ARL6IP1: variants seen among roughly 807,000 people sequenced by gnomAD.
ARL6IP1 encodes the protein ARL6 interacting reticulophagy regulator 1.
A neutral mutation model predicts 30.1 loss-of-function variants in ARL6IP1; 16 were observed. The ratio of observed to expected loss-of-function variants is 0.53; its 90% CI spans 0.36 to 0.81. ARL6IP1 has a LOEUF of 0.81. Among genes scored for constraint, ARL6IP1 ranks in the 30% least tolerant of loss-of-function variants. ARL6IP1 has a pLI of 0.01. For synonymous variants in ARL6IP1, 72 were observed against 84.8 expected, an observed-to-expected ratio of 0.85 and a Z score of 0.83; for missense variants, 173 against 242.7, an observed-to-expected ratio of 0.71 and a Z score of 1.91.
chr16:18,795,440 C>T (rs1230802542), intron 4 of ARL6IP1, 24 bp downstream of exon 4: 18 of 1,563,334 alleles, frequency 1.2e-5, no homozygotes, highest in Non-Finnish European at 1.6e-5. Flanking sequence ...TTTTACTGTA[C>T]TTAAGTCAAA....
Position 18,794,678 on chromosome 16 carries a change from G to T in ARL6IP1, c.414C>A (p.Phe138Leu), listed in dbSNP as rs1291153584. The T allele has an allele frequency of 6.2e-7, 1 of 1,611,990 alleles. No individual in the cohort carries two copies. The highest frequency in any genetic ancestry group is 2.2e-5 in the East Asian group (1 of 44,766). ...CAGCAAGGGAAACGATCATGGTCAT[G>T]AAGTACTAGCAATGAAAACAAGAAT... is the stretch of plus-strand genomic sequence containing the variant. The part of the protein sequence containing the change: ...TLKEEKPKMY[F>L]MTMIVSLAAV... Residue 138 changes from phenylalanine to leucine, a missense_variant, in exon 5 of 6, where the codon TTC (phenylalanine) becomes TTA (leucine). Transcript: ENST00000304414.
At chr16:18,796,967 T>G (rs1414313436) in intron 3 of ARL6IP1, among the ~76,000 whole-genome samples, 2 of 152,162 alleles carry the variant, frequency 1.3e-5, no homozygotes, top group Non-Finnish European at 2.9e-5. Flanking sequence ...AAATATCTAT[T>G]CCAACTTCTA....
rs758440072 is a variant in ARL6IP1, at chr16:18,793,202, TTC to T, written c.*48_*49del. The T allele has an allele frequency of 6.5e-6, 8 of 1,239,796 alleles. No individual in the cohort carries two copies. Among genetic ancestry groups the T allele is most frequent in the Non-Finnish European group, 9.4e-6 (8 of 854,072 alleles). The allele number at this position is 1,239,796 out of a possible 1,614,324, so 76.8% of individuals were successfully genotyped here. A position where few individuals can be genotyped will look rare whatever the true frequency, so the allele number is the denominator to read the frequency against. ...TATCCAGATAGTACAGCAGAAACGG[TTC>T]CCGGGGCAATGGGTGCTGCATTAAT... On this transcript the variant is annotated 3_prime_UTR_variant, in exon 6 of 6. Transcript: ENST00000304414.
chr16:18,795,069 T>C (rs1187643656), intron 4 of ARL6IP1: 2 of 204,942 alleles, frequency 9.8e-6, no homozygotes, highest in South Asian at 6.9e-5. Context: ...AAGGCTGGAG[T>C]GCAGTGGTGC....
chr16:18,798,669 C>A, intron 2 of ARL6IP1, 32 bp downstream of exon 2: 1 of 1,602,278 alleles, frequency 6.2e-7, no homozygotes, highest in Non-Finnish European at 8.5e-7. Context: ...TAATAAGAAG[C>A]ACAACCCATA....
intron 3 of ARL6IP1, among the ~76,000 whole-genome samples, chr16:18,796,472 G>A (rs764930047): frequency 8.5e-5 from 13 of 152,330 alleles, no homozygotes; most frequent in Middle Eastern, 6.8e-3. Flanking sequence ...TTCCTTGTAA[G>A]ATCAAAAAAT....
chr16:18,797,740 A>C, intron 3 of ARL6IP1, 185 bp downstream of exon 3: 1 of 646,566 alleles, frequency 1.5e-6, no homozygotes, highest in Non-Finnish European at 2.5e-6. Context: ...AGAACTATGG[A>C]GTACAGAAAA....
chr16:18,801,462 G>A lies in ARL6IP1; in HGVS notation c.5C>T (p.Ala2Val). 1 of 1,612,776 alleles carries A rather than the reference G, an allele frequency of 6.2e-7. No individual in the cohort carries two copies. The highest frequency in any genetic ancestry group is 8.5e-7 in the Non-Finnish European group (1 of 1,179,638). M[A>V]EGDNRSTNLL... ...GTTGGTGCTGCGATTATCTCCCTCC[G>A]CCATCGTCTCGGGGATGCAGTCTCT... Residue 2 changes from alanine to valine, a missense_variant, in exon 1 of 6, where the codon GCG (alanine) becomes GTG (valine). Transcript: ENST00000304414.
rs538416381 is a variant in ARL6IP1 at position 18,801,512 on chromosome 16, G to A, written c.-46C>T. 2.4e-5 allele frequency: 39 copies of A among 1,602,986 alleles called. No homozygotes were observed. Among genetic ancestry groups the A allele is most frequent in the Admixed American group, 5.2e-5 (3 of 57,326 alleles). On this transcript the variant is annotated 5_prime_UTR_variant, in exon 1 of 6. Coordinates refer to ENST00000304414, the MANE Select transcript of ARL6IP1 (RefSeq NM_015161.3). ...TACAAGCGCAGGCCACCTCCCCAAC[G>A]AGTCCTCCAACCGAAACCCGCACAC...
chr16:18,801,237 G>T, intron 1 of ARL6IP1, 194 bp downstream of exon 1: 1 of 1,418,698 alleles, frequency 7.0e-7, no homozygotes. Context: ...GCCCCGTCGC[G>T]CACCGTCCCC....
At chr16:18,798,232 A>C (rs184661819) in intron 2 of ARL6IP1, 188 bp from the exon 3 acceptor site, 122 of 497,046 alleles carry the variant, frequency 2.5e-4, no homozygotes, top group African/African-American at 2.1e-3. Flanking sequence ...GCAGTGGTTA[A>C]GTATATATCA....
At chr16:18,795,830 T>C (rs1231966236) in intron 3 of ARL6IP1, among the ~76,000 whole-genome samples, 1 of 152,042 alleles carries the variant, frequency 6.6e-6, no homozygotes, top group Non-Finnish European at 1.5e-5. Flanking sequence ...AAAGAAAGGA[T>C]CATCTCTGGC....
At chr16:18,796,748 G>GA (rs2030243246) in intron 3 of ARL6IP1, among the ~76,000 whole-genome samples, 1 of 152,162 alleles carries the variant, frequency 6.6e-6, no homozygotes, top group South Asian at 2.1e-4. Context: ...GCTGTTGGGG[G>GA]AAACACCTTT....
chr16:18,796,987 A>C (rs908692797), intron 3 of ARL6IP1, among the ~76,000 whole-genome samples: 1 of 152,216 alleles, frequency 6.6e-6, no homozygotes, highest in Non-Finnish European at 1.5e-5. Context: ...ATTTTGGCTG[A>C]TTATTTGAAT....
At position 18,798,918 on chromosome 16, in the gene ARL6IP1, C is replaced by T. The variant is rs1024193298; in HGVS notation, c.37-84G>A. On this transcript the variant is annotated intron_variant, in intron 1 of 5. Transcript: ENST00000304414. ...ATAGACTTCAATTATTTTAAAGCTC[C>T]AAATACAAAAAATAACCTCTTAACC... 2.2e-6 allele frequency: 3 copies of T among 1,379,570 alleles called. No individual in the cohort carries two copies. In the African/African-American group the frequency reaches 4.4e-5, roughly 20 times the overall value. 85.5% of individuals were successfully genotyped at this position (1,379,570 alleles called of 1,614,324 possible).
In ARL6IP1 at chr16:18,798,738, G is replaced by A. The variant is rs1450729891; in HGVS notation, c.133C>T (p.Pro45Ser). 11 of 1,614,038 alleles carry A rather than the reference G, an allele frequency of 6.8e-6. No individual in the cohort carries two copies. Among genetic ancestry groups the A allele is most frequent in the Non-Finnish European group, 9.3e-6 (11 of 1,180,034 alleles). Reference sequence around the variant, plus strand: ...GAAACCACACCCATGATGGCAGGTGGAAACCAGGCTCTTTCCCATCGGAGG... The same window carrying A: ...GAAACCACACCCATGATGGCAGGTGAAAACCAGGCTCTTTCCCATCGGAGG... ...KVLRWERAWF[P>S]PAIMGVVSLV... Residue 45 changes from proline (P) to serine (S), a missense_variant, in exon 2 of 6, where the codon CCA becomes TCA. Coordinates refer to ENST00000304414, the MANE Select transcript of ARL6IP1 (RefSeq NM_015161.3).
At chr16:18,796,529 CAGT>C (rs972961094) in intron 3 of ARL6IP1, among the ~76,000 whole-genome samples, 1 of 152,230 alleles carries the variant, frequency 6.6e-6, no homozygotes, top group Admixed American at 6.5e-5. Context: ...ACGAAACTAT[CAGT>C]GGTTATTTCT....
At chr16:18,799,194 TAGAGA>T (rs1451028221) in intron 1 of ARL6IP1, among the ~76,000 whole-genome samples, 1 of 152,128 alleles carries the variant, frequency 6.6e-6, no homozygotes, top group Non-Finnish European at 1.5e-5. Context: ...TAATTTTTTG[TAGAGA>T]CAGGGTTTCA....
chr16:18,794,392 C>G (rs748875575), intron 5 of ARL6IP1, among the ~76,000 whole-genome samples: 6 of 152,224 alleles, frequency 3.9e-5, no homozygotes, highest in African/African-American at 7.2e-5. Context: ...AGAAAATAAT[C>G]ATTGCTTATT....
Sources: allele counts gnomAD v4.1 joint callset (sites outside exome capture counted in the v4.1 genomes callset), GRCh38; gene constraint gnomAD v4.1.1; transcripts MANE v1.5; gene names NCBI Gene and HGNC (gene_info 2026-07-23, HGNC 2026-07-21).